The following WWOX variants were observed in gnomAD, a reference collection of about 807,000 sequenced individuals.
The protein encoded by WWOX is WW domain containing oxidoreductase, also known as WW domain-containing oxidoreductase.
WWOX carries 69 observed loss-of-function variants against 46.2 expected under a neutral mutation model. The observed-to-expected ratio is 1.49, with a 90% CI of 1.23 to 1.82. The LOEUF is 1.82. Ranked by LOEUF, WWOX falls within the 40% of genes most tolerant of loss-of-function variation. The pLI is 0.00. For missense variants in WWOX, 919 were observed against 542.6 expected (o/e 1.69, Z -6.89); for synonymous variants, 359 against 202.6 (o/e 1.77, Z -6.56).
chr16:78,332,127 T>C (rs181048201), intron 5 of WWOX, among the ~76,000 whole-genome samples: 10 of 152,306 alleles, frequency 6.6e-5, no homozygotes, highest in Admixed American at 3.3e-4. Context: ...GTCCTGTGTT[T>C]GTACCTTGTT....
At chr16:78,723,985 C>A (rs1451836322) in intron 8 of WWOX, among the ~76,000 whole-genome samples, 1 of 152,178 alleles carries the variant, frequency 6.6e-6, no homozygotes, top group Non-Finnish European at 1.5e-5. Context: ...CCATGGTACC[C>A]TCTGATTCAG....
In WWOX at chr16:78,958,552, C is replaced by T. The variant is rs138813045; in HGVS notation, c.1057-253056C>T. Among the ~76,000 whole-genome samples, 599 of 152,326 alleles carry T rather than the reference C, an allele frequency of 3.9e-3. 1 individual carries two copies. The highest frequency in any genetic ancestry group is 0.014 in the Middle Eastern group (4 of 294). ...CAATTTGGGAAGTTATGGTGCCTTG[C>T]AGTTTCCAAAGTAAGCTGAACAGTG... On this transcript the variant is annotated intron_variant, in intron 8 of 8. Transcript: ENST00000566780.
At chr16:78,337,767 C>CTGTA (rs1309227359) in intron 5 of WWOX, among the ~76,000 whole-genome samples, 2 of 56,080 alleles carry the variant, frequency 3.6e-5, no homozygotes, top group African/African-American at 1.0e-4. Flanking sequence ...CTCCAAGATG[C>CTGTA]CTCCAGCAAT....
chr16:78,500,328 C>G (rs997114855), intron 8 of WWOX, among the ~76,000 whole-genome samples: 1 of 152,176 alleles, frequency 6.6e-6, no homozygotes, highest in Non-Finnish European at 1.5e-5. Context: ...TGAATTATTC[C>G]CGCTGCCATT....
chr16:79,019,157 C>CAAAAAAAAAAAAAAAAA (rs903333994), intron 8 of WWOX, among the ~76,000 whole-genome samples: 55 of 24,546 alleles, frequency 2.2e-3, no homozygotes, highest in Non-Finnish European at 2.6e-3. Context: ...GACCTTGTCT[C>CAAAAAAAAAAAAAAAAA]AAAAAAAAAA....
intron 1 of WWOX, among the ~76,000 whole-genome samples, chr16:78,101,492 G>A (rs376769083): frequency 1.3e-5 from 2 of 151,846 alleles, no homozygotes; most frequent in Non-Finnish European, 2.9e-5. Flanking sequence ...GATTACAGGC[G>A]CCCGCCACCA....
chr16:78,656,308 C>A (rs1029238963), intron 8 of WWOX, among the ~76,000 whole-genome samples: 1 of 152,072 alleles, frequency 6.6e-6, no homozygotes, highest in African/African-American at 2.4e-5. Flanking sequence ...CATGCATGTC[C>A]TTTCTCTGTC....
intron 8 of WWOX, chr16:79,078,363 G>C (rs1428575122): frequency 6.6e-6 from 1 of 152,168 alleles, no homozygotes; most frequent in Non-Finnish European, 1.5e-5. Flanking sequence ...GGCTGCTCCT[G>C]GCCATGCATA....
Position 78,600,971 on chromosome 16 carries a change from C to G in WWOX, c.1056+168219C>G, listed in dbSNP as rs142439413. Among the ~76,000 whole-genome samples, 1,000 of 152,294 alleles carry G rather than the reference C, an allele frequency of 6.6e-3. 9 individuals carry two copies. Among genetic ancestry groups the G allele is most frequent in the African/African-American group, 0.022 (912 of 41,564 alleles). On this transcript the variant is annotated intron_variant, in intron 8 of 8. Transcript: ENST00000566780. ...CCTGGGCAAGAGACTGCCTTTCCTACTAGAGCTTCTGCCATCCCTCTGTCA... is the reference window on the plus strand; with the variant it reads ...CCTGGGCAAGAGACTGCCTTTCCTAGTAGAGCTTCTGCCATCCCTCTGTCA...
At chr16:78,903,439 G>A (rs13339128) in intron 8 of WWOX, among the ~76,000 whole-genome samples, 3 of 152,194 alleles carry the variant, frequency 2.0e-5, no homozygotes, top group African/African-American at 7.2e-5. Flanking sequence ...AGGCTGAAGT[G>A]AAGTTACAAA....
At chr16:79,186,624 G>C (rs143825701) in intron 8 of WWOX, among the ~76,000 whole-genome samples, 38 of 152,208 alleles carry the variant, frequency 2.5e-4, no homozygotes, top group African/African-American at 8.9e-4. Flanking sequence ...GGCAATGGCG[G>C]TTGGGACTTG....
At chr16:78,750,264 A>G (rs1273424939) in intron 8 of WWOX, among the ~76,000 whole-genome samples, 1 of 152,182 alleles carries the variant, frequency 6.6e-6, no homozygotes, top group East Asian at 1.9e-4. Context: ...TCCTATTCAG[A>G]GGCTCAGTTT....
intron 8 of WWOX, among the ~76,000 whole-genome samples, chr16:78,931,801 C>G (rs1371019626): frequency 6.6e-6 from 1 of 152,156 alleles, no homozygotes; most frequent in Non-Finnish European, 1.5e-5. Flanking sequence ...GTGTCTCCAC[C>G]CAAGTCTCAT....
At chr16:78,801,681 G>A (rs891206072) in intron 8 of WWOX, among the ~76,000 whole-genome samples, 2 of 152,162 alleles carry the variant, frequency 1.3e-5, no homozygotes, top group Non-Finnish European at 2.9e-5. Context: ...TTTAAAGTGA[G>A]TGGTGAGTTG....
intron 5 of WWOX, among the ~76,000 whole-genome samples, chr16:78,304,529 A>T (rs1481318319): frequency 6.6e-6 from 1 of 152,178 alleles, no homozygotes; most frequent in Non-Finnish European, 1.5e-5. Context: ...CAGGGTAAGC[A>T]CACTGTTTTG....
At chr16:78,432,317 G>A (rs1324614097) in intron 7 of WWOX, among the ~76,000 whole-genome samples, 171 bp from the exon 8 acceptor site, 3 of 151,958 alleles carry the variant, frequency 2.0e-5, no homozygotes, top group African/African-American at 7.3e-5. Flanking sequence ...TGTTGGCCAG[G>A]CTGGTCTTGA....
chr16:79,085,216 G>A (rs2048832696), intron 8 of WWOX, among the ~76,000 whole-genome samples: 1 of 152,084 alleles, frequency 6.6e-6, no homozygotes, highest in South Asian at 2.1e-4. Context: ...TCTCTCACTT[G>A]ACTCTGTTGG....
chr16:79,164,965 C>G (rs529216997), intron 8 of WWOX, among the ~76,000 whole-genome samples: 15 of 152,238 alleles, frequency 9.9e-5, no homozygotes, highest in South Asian at 2.1e-4. Context: ...GTACAACTCT[C>G]TAATTCATGT....
intron 8 of WWOX, chr16:78,551,183 T>C (rs1309850223): frequency 1.3e-5 from 2 of 152,124 alleles, no homozygotes; most frequent in Non-Finnish European, 2.9e-5. Flanking sequence ...GAAACAAATA[T>C]CGTGAATATA....
Sources: allele counts gnomAD v4.1 joint callset (sites outside exome capture counted in the v4.1 genomes callset), GRCh38; gene constraint gnomAD v4.1.1; transcripts MANE v1.5; gene names NCBI Gene and HGNC (gene_info 2026-07-23, HGNC 2026-07-21).